GLIS3: variants seen among roughly 807,000 people sequenced by gnomAD.
The protein encoded by GLIS3 is zinc finger protein GLIS3.
GLIS3 carries 53 observed loss-of-function variants against 78.6 expected under a neutral mutation model. The ratio of observed to expected loss-of-function variants is 0.67; its 90% CI spans 0.54 to 0.85. The LOEUF is 0.85. Ranked by LOEUF, GLIS3 falls within the 40% of genes least tolerant of loss-of-function variation. The pLI is 0.00. For synonymous variants in GLIS3, 684 were observed against 509.9 expected, an observed-to-expected ratio of 1.34 and a Z score of -4.60; for missense variants, 1,703 against 1,231.1, an observed-to-expected ratio of 1.38 and a Z score of -5.74.
At chr9:4,290,500 G>GT (rs1192862663) in intron 1 of GLIS3, among the ~76,000 whole-genome samples, 2 of 152,010 alleles carry the variant, frequency 1.3e-5, no homozygotes, top group African/African-American at 4.8e-5. Flanking sequence ...GGCTTCTCTT[G>GT]TTACAGCTTT....
At chr9:4,019,322 A>G (rs140575251) in intron 4 of GLIS3, among the ~76,000 whole-genome samples, 127 of 152,324 alleles carry the variant, frequency 8.3e-4, no homozygotes, top group African/African-American at 2.9e-3. Context: ...TTTGCCTGAC[A>G]TCACAGAGCC....
At chr9:3,984,722 T>C (rs472437) in intron 4 of GLIS3, among the ~76,000 whole-genome samples, 4,734 of 152,230 alleles carry the variant, frequency 0.031, 248 homozygotes, top group African/African-American at 0.1. Flanking sequence ...CAGAATGATA[T>C]GGTTTGGTTG....
chr9:4,457,386 G>A, the GLIS3 span, among the ~76,000 whole-genome samples: 1 of 151,002 alleles, frequency 6.6e-6, no homozygotes, highest in African/African-American at 2.5e-5. Flanking sequence ...AGATATATCT[G>A]CATTTATAAG....
chr9:4,398,676 G>T, the GLIS3 span, among the ~76,000 whole-genome samples: 4 of 150,872 alleles, frequency 2.7e-5, no homozygotes, highest in Non-Finnish European at 4.4e-5. Context: ...AGTTGCTTAA[G>T]CTCTTTTGTT....
rs753582249 is a variant in GLIS3, at chr9:4,133,869, CACACA to C, written c.389-7933_389-7929del. Among the ~76,000 whole-genome samples, 1,027 of 121,750 alleles carry C rather than the reference CACACA, an allele frequency of 8.4e-3. 19 individuals carry two copies. Among genetic ancestry groups the C allele is most frequent in the African/African-American group, 0.024 (789 of 33,044 alleles). The allele number at this position is 121,750 out of a possible 152,430, so 79.9% of individuals were successfully genotyped here. A position where few individuals can be genotyped will look rare whatever the true frequency, so the allele number is the denominator to read the frequency against. ...ACACACACACACACACACACACACA[CACACA>C]CCGTACATCTGTCCTCGCCTGAACG... is the stretch of plus-strand genomic sequence containing the variant. On this transcript the variant is annotated intron_variant, in intron 2 of 10. Coordinates refer to ENST00000381971, the MANE Select transcript of GLIS3 (RefSeq NM_001042413.2).
intron 6 of GLIS3, among the ~76,000 whole-genome samples, chr9:3,915,343 G>A (rs1267263475): frequency 6.6e-6 from 1 of 152,064 alleles, no homozygotes; most frequent in Non-Finnish European, 1.5e-5. Context: ...TAAGGAAAGT[G>A]TTGCAAGAAT....
At chr9:3,934,350 G>A (rs1825776745) in intron 5 of GLIS3, among the ~76,000 whole-genome samples, 1 of 151,816 alleles carries the variant, frequency 6.6e-6, no homozygotes. Flanking sequence ...TATATAAATT[G>A]ATGCCATTAT....
intron 2 of GLIS3, among the ~76,000 whole-genome samples, chr9:4,237,263 T>C (rs915681998): frequency 6.6e-6 from 1 of 152,086 alleles, no homozygotes; most frequent in Admixed American, 6.5e-5. Context: ...ATTAAAGGCA[T>C]AGCCGGTTAA....
chr9:4,267,089 G>A (rs1201344118), intron 2 of GLIS3, among the ~76,000 whole-genome samples: 1 of 152,130 alleles, frequency 6.6e-6, no homozygotes, highest in African/African-American at 2.4e-5. Flanking sequence ...AAAGGTGAGT[G>A]TCACTGCTTG....
intron 9 of GLIS3, among the ~76,000 whole-genome samples, chr9:3,840,157 A>T (rs1031591430): frequency 6.6e-6 from 1 of 152,240 alleles, no homozygotes; most frequent in East Asian, 1.9e-4. Context: ...TCTCTGGCAC[A>T]TAGTAGGCCT....
chr9:4,225,844 G>C (rs923865377), intron 2 of GLIS3, among the ~76,000 whole-genome samples: 1 of 152,176 alleles, frequency 6.6e-6, no homozygotes, highest in Non-Finnish European at 1.5e-5. Context: ...GACTGCATAT[G>C]CAATTTTTCT....
intron 2 of GLIS3, among the ~76,000 whole-genome samples, chr9:4,157,062 T>A (rs1184956502): frequency 6.6e-6 from 1 of 152,160 alleles, no homozygotes; most frequent in African/African-American, 2.4e-5. Flanking sequence ...CATTAACATA[T>A]ATGATTACTA....
chr9:4,313,537 T>A (rs976509721), intron 2 of GLIS3, among the ~76,000 whole-genome samples: 2 of 152,252 alleles, frequency 1.3e-5, no homozygotes, highest in Admixed American at 1.3e-4. Flanking sequence ...CCACACAAAT[T>A]TGGCTGACAG....
intron 2 of GLIS3, among the ~76,000 whole-genome samples, chr9:4,248,888 T>G (rs1029279422): frequency 6.6e-6 from 1 of 152,214 alleles, no homozygotes; most frequent in Non-Finnish European, 1.5e-5. Context: ...ATGTCTTCTT[T>G]TGAGAAGTGT....
At chr9:4,117,447 C>G (rs763580116) in intron 4 of GLIS3, among the ~76,000 whole-genome samples, 26 of 152,230 alleles carry the variant, frequency 1.7e-4, no homozygotes, top group Non-Finnish European at 3.5e-4. Flanking sequence ...CTGTGTCCTT[C>G]TGCTCTTGCA....
intron 4 of GLIS3, among the ~76,000 whole-genome samples, chr9:3,984,841 T>C (rs1294310237): frequency 6.6e-6 from 1 of 152,160 alleles, no homozygotes; most frequent in South Asian, 2.1e-4. Context: ...TTCCCTGCAC[T>C]GTTCTCGTAA....
intron 4 of GLIS3, among the ~76,000 whole-genome samples, chr9:3,981,377 T>C (rs1353027216): frequency 6.6e-6 from 1 of 152,200 alleles, no homozygotes; most frequent in East Asian, 1.9e-4. Context: ...AGCCTGACTC[T>C]AGCTTCCAAG....
chr9:3,974,542 A>G (rs77943194), intron 4 of GLIS3, among the ~76,000 whole-genome samples: 265 of 152,280 alleles, frequency 1.7e-3, no homozygotes, highest in African/African-American at 6.1e-3. Flanking sequence ...ACATATGAGG[A>G]CTCTGCTATT....
At chr9:3,950,019 T>C (rs1436635705) in intron 4 of GLIS3, among the ~76,000 whole-genome samples, 1 of 152,184 alleles carries the variant, frequency 6.6e-6, no homozygotes, top group Non-Finnish European at 1.5e-5. Flanking sequence ...CACTTAACAA[T>C]GACCTTTTCC....
Sources: allele counts gnomAD v4.1 joint callset (sites outside exome capture counted in the v4.1 genomes callset), GRCh38; gene constraint gnomAD v4.1.1; transcripts MANE v1.5; gene names NCBI Gene and HGNC (gene_info 2026-07-23, HGNC 2026-07-21).